The following NEIL2 variants were observed in gnomAD, a reference collection of about 807,000 sequenced individuals.
The protein encoded by NEIL2 is endonuclease 8-like 2.
A neutral mutation model predicts 22.2 loss-of-function variants in NEIL2; 23 were observed. That is an observed-to-expected ratio of 1.04 (90% confidence interval 0.75 to 1.47). The LOEUF (loss-of-function observed/expected upper bound fraction) is 1.47. Among genes scored for constraint, NEIL2 ranks in the 40% most tolerant of loss-of-function variants. NEIL2 has a pLI of 0.00. For missense variants in NEIL2, 583 were observed against 404.7 expected (o/e 1.44, Z -3.78); for synonymous variants, 229 against 164.8 (o/e 1.39, Z -2.99).
At chr8:11,778,025 A>T (rs1357391085) in intron 2 of NEIL2, among the ~76,000 whole-genome samples, 1 of 152,222 alleles carries the variant, frequency 6.6e-6, no homozygotes, top group Non-Finnish European at 1.5e-5. Flanking sequence ...AGCCTAGCAC[A>T]CTGCCAGGCA....
rs181748731 is a variant in NEIL2, at chr8:11,780,503, C to T, written c.491+553C>T. On this transcript the variant is annotated intron_variant, in intron 3 of 4. Coordinates refer to ENST00000284503, the MANE Select transcript of NEIL2 (RefSeq NM_145043.4). ...TCAACCAATTCTCCTGCCTTAGCCT[C>T]GGAGGAGCTGGGACTACAGGTGCGT... Among the ~76,000 whole-genome samples the T allele has an allele frequency of 2.2e-3, 337 of 152,242 alleles. 1 individual carries two copies. The highest frequency in any genetic ancestry group is 7.5e-3 in the African/African-American group (311 of 41,532).
intron 3 of NEIL2, chr8:11,782,914 G>C: frequency 2.1e-6 from 1 of 477,668 alleles, no homozygotes; most frequent in South Asian, 2.0e-5. Context: ...ACGATGTGGG[G>C]ATGTGTGTAT....
At chr8:11,774,254 A>G (rs1163286145) in intron 2 of NEIL2, among the ~76,000 whole-genome samples, 1 of 152,130 alleles carries the variant, frequency 6.6e-6, no homozygotes, top group African/African-American at 2.4e-5. Context: ...GGGCGCCTGT[A>G]ATCCCAGCTA....
At position 11,779,900 on chromosome 8, in the gene NEIL2, C is replaced by T. The variant is rs559205632; in HGVS notation, c.441C>T (p.Ser147=). Residue 147 remains serine (S), a synonymous_variant, in exon 3 of 5, where the codon TCC becomes TCT. Coordinates refer to ENST00000284503, the MANE Select transcript of NEIL2 (RefSeq NM_145043.4). ...GCAGCGTTTGGGTGAACGATTTCTCCAGAGCCAAGAAAGCCAACAAGAGGG... is the reference window on the plus strand; with the variant it reads ...GCAGCGTTTGGGTGAACGATTTCTCTAGAGCCAAGAAAGCCAACAAGAGGG... The part of the protein sequence containing the change: ...LFGSVWVNDF[S]RAKKANKRGD... The T allele has an allele frequency of 1.3e-5, 21 of 1,614,138 alleles. 1 individual carries two copies. In the Middle Eastern group the frequency reaches 6.6e-4, roughly 51 times the overall value.
At chr8:11,772,481 C>G (rs1368562964) in intron 2 of NEIL2, among the ~76,000 whole-genome samples, 1 of 152,234 alleles carries the variant, frequency 6.6e-6, no homozygotes, top group African/African-American at 2.4e-5. Flanking sequence ...CCTGGTCTTC[C>G]AGCTTCCACT....
At chr8:11,775,688 TTTC>T (rs1803850376) in intron 2 of NEIL2, among the ~76,000 whole-genome samples, 2 of 152,206 alleles carry the variant, frequency 1.3e-5, no homozygotes, top group South Asian at 4.1e-4. Context: ...CACTTAGAAA[TTTC>T]TTTCACCAGA....
rs971952172 is a variant in NEIL2, at chr8:11,776,824, C to T, written c.139-2774C>T. 2.6e-5 allele frequency among the ~76,000 whole-genome samples: 4 copies of T among 152,276 alleles called. No homozygotes were observed. In the East Asian group the frequency reaches 5.8e-4, roughly 22 times the overall value. On this transcript the variant is annotated intron_variant, in intron 2 of 4. Transcript: ENST00000284503. ...TCTCTGCTCTCCCTCATCAGTTACCCTTCCTGTGCCTGTTCCTCATCTTCT... is the reference window on the plus strand; with the variant it reads ...TCTCTGCTCTCCCTCATCAGTTACCTTTCCTGTGCCTGTTCCTCATCTTCT...
At chr8:11,771,984 C>A (rs1803493653) in intron 2 of NEIL2, among the ~76,000 whole-genome samples, 1 of 152,064 alleles carries the variant, frequency 6.6e-6, no homozygotes, top group Non-Finnish European at 1.5e-5. Context: ...GCGGGTGGAT[C>A]ACTAGGTCAG....
chr8:11,773,042 T>A (rs1803608272), intron 2 of NEIL2, among the ~76,000 whole-genome samples: 1 of 152,174 alleles, frequency 6.6e-6, no homozygotes, highest in South Asian at 2.1e-4. Context: ...AAGGGAGTAC[T>A]TAGCCCAAGC....
chr8:11,782,842 C>T (rs536227752), intron 3 of NEIL2: 41 of 316,870 alleles, frequency 1.3e-4, no homozygotes, highest in Admixed American at 4.9e-4. Context: ...TATATTGTAA[C>T]GATGTGGGGA....
In NEIL2 at chr8:11,779,633, A is replaced by C. The variant is rs907803304; in HGVS notation, c.174A>C (p.Leu58=). Residue 58 remains leucine (L), a synonymous_variant, in exon 3 of 5, where the codon CTA becomes CTC. Transcript: ENST00000284503. ...AGAAATTATTCCTTAGATTTGATCTAGATGAAGAAATGGGGCCCCCTGGCA... is the reference window on the plus strand; with the variant it reads ...AGAAATTATTCCTTAGATTTGATCTCGATGAAGAAATGGGGCCCCCTGGCA... The part of the protein sequence containing the change: ...HGKKLFLRFD[L]DEEMGPPGSS... 34 of 1,613,470 alleles carry C rather than the reference A, an allele frequency of 2.1e-5. No homozygotes were observed. The highest frequency in any genetic ancestry group is 2.9e-5 in the Non-Finnish European group (34 of 1,179,838).
intron 4 of NEIL2, 92 bp downstream of exon 4, chr8:11,783,491 T>A: frequency 9.4e-7 from 1 of 1,065,478 alleles, no homozygotes; most frequent in South Asian, 1.3e-5. Flanking sequence ...CCACCCTAGT[T>A]GTGCCAGTGC....
rs8191618 is a variant in NEIL2, at chr8:11,781,479, T to C, written c.491+1529T>C. 0.025 allele frequency among the ~76,000 whole-genome samples: 3,806 copies of C among 152,298 alleles called. 213 individuals carry two copies. In the East Asian group the frequency reaches 0.26, roughly 10 times the overall value. ...GAAGTTCAGATGAGGAAACTTTCCT[T>C]AGAACCCCCAGCAAACCTGTCATCA... On this transcript the variant is annotated intron_variant, in intron 3 of 4. Transcript: ENST00000284503.
chr8:11,779,364 A>G (rs1804190229), intron 2 of NEIL2, among the ~76,000 whole-genome samples: 1 of 152,238 alleles, frequency 6.6e-6, no homozygotes, highest in Non-Finnish European at 1.5e-5. Flanking sequence ...GCCATCTTGC[A>G]TGGGTGTGTT....
At chr8:11,775,743 C>G (rs1426203315) in intron 2 of NEIL2, among the ~76,000 whole-genome samples, 1 of 152,212 alleles carries the variant, frequency 6.6e-6, no homozygotes, top group African/African-American at 2.4e-5. Context: ...CCATAGATCT[C>G]TAGGGCAGGG....
chr8:11,772,238 C>G (rs999430074), intron 2 of NEIL2, among the ~76,000 whole-genome samples: 2 of 152,148 alleles, frequency 1.3e-5, no homozygotes, highest in South Asian at 4.1e-4. Context: ...ACCTTCAGAT[C>G]TAGGTTCAAA....
chr8:11,776,695 G>T (rs1192895270), intron 2 of NEIL2, among the ~76,000 whole-genome samples: 1 of 152,126 alleles, frequency 6.6e-6, no homozygotes, highest in South Asian at 2.1e-4. Context: ...TTAACCTCTT[G>T]CCACAGCACC....
Position 11,779,916 on chromosome 8 carries a change from AACAAGAGGGGGG to A in NEIL2, c.460_471del (p.Lys154_Asp157del). Reference sequence around the variant, plus strand: ...CGATTTCTCCAGAGCCAAGAAAGCCAACAAGAGGGGGGACTGGAGGGACCCTTCCCCGAGGTA... The same window carrying A: ...CGATTTCTCCAGAGCCAAGAAAGCCAACTGGAGGGACCCTTCCCCGAGGTA... On this transcript the variant is annotated inframe_deletion, in exon 3 of 5. Transcript: ENST00000284503. The A allele has an allele frequency of 6.2e-7, 1 of 1,614,164 alleles. No individual in the cohort carries two copies. Among genetic ancestry groups the A allele is most frequent in the Non-Finnish European group, 8.5e-7 (1 of 1,179,990 alleles).
intron 2 of NEIL2, 68 bp downstream of exon 2, chr8:11,771,653 C>T (rs1217499337): frequency 2.6e-6 from 4 of 1,522,754 alleles, no homozygotes; most frequent in Non-Finnish European, 3.6e-6. Flanking sequence ...GATCTATCCC[C>T]ATATGTCTCA....
Sources: allele counts gnomAD v4.1 joint callset (sites outside exome capture counted in the v4.1 genomes callset), GRCh38; gene constraint gnomAD v4.1.1; transcripts MANE v1.5; gene names NCBI Gene and HGNC (gene_info 2026-07-23, HGNC 2026-07-21).